The following SPAG9 variants were observed in gnomAD, a reference collection of about 807,000 sequenced individuals.
SPAG9 encodes C-Jun-amino-terminal kinase-interacting protein 4.
SPAG9 carries 35 observed loss-of-function variants against 166.5 expected under a neutral mutation model. The ratio of observed to expected loss-of-function variants is 0.21; its 90% confidence interval spans 0.16 to 0.28. The LOEUF is 0.28. Among genes scored for constraint, SPAG9 ranks in the 10% least tolerant of loss-of-function variants. SPAG9 has a pLI of 1.00. For synonymous variants in SPAG9, 534 were observed against 565.5 expected (o/e 0.94, Z 0.79); for missense variants, 1,235 against 1,603.3 (o/e 0.77, Z 3.92).
At chr17:51,095,894 T>A in intron 1 of SPAG9, among the ~76,000 whole-genome samples, 1 of 144,000 alleles carries the variant, frequency 6.9e-6, no homozygotes, top group Non-Finnish European at 1.5e-5. Context: ...TAGTGATATA[T>A]ACAGTGATAT....
At chr17:50,981,716 C>CAA (rs60390444) in intron 25 of SPAG9, among the ~76,000 whole-genome samples, 13 of 127,492 alleles carry the variant, frequency 1.0e-4, no homozygotes, top group African/African-American at 2.6e-4. Flanking sequence ...TGTATTGTGA[C>CAA]AAAAAAAAAA....
At chr17:51,112,328 G>C (rs948937681) in intron 1 of SPAG9, among the ~76,000 whole-genome samples, 19 of 134,498 alleles carry the variant, frequency 1.4e-4, no homozygotes, top group Admixed American at 1.4e-3. Context: ...GAGGCCAGGA[G>C]TTCAAGACAA....
intron 29 of SPAG9, among the ~76,000 whole-genome samples, chr17:50,969,645 C>T (rs1487348978): frequency 6.6e-6 from 1 of 152,170 alleles, no homozygotes; most frequent in Non-Finnish European, 1.5e-5. Context: ...CTTTCTTCTA[C>T]TCCACACTCT....
intron 29 of SPAG9, among the ~76,000 whole-genome samples, chr17:50,967,733 A>C (rs1046331839): frequency 6.6e-6 from 1 of 152,244 alleles, no homozygotes; most frequent in Non-Finnish European, 1.5e-5. Context: ...AATCATTAAA[A>C]ATATGGGACT....
chr17:50,975,890 G>A (rs768679885), intron 27 of SPAG9: 27 of 1,535,482 alleles, frequency 1.8e-5, no homozygotes, highest in Admixed American at 3.9e-5. Flanking sequence ...CGTCCCTGGT[G>A]GAGGATTACG....
chr17:50,968,375 C>T (rs1973519321), intron 29 of SPAG9, among the ~76,000 whole-genome samples: 1 of 152,142 alleles, frequency 6.6e-6, no homozygotes, highest in Non-Finnish European at 1.5e-5. Flanking sequence ...CTGCCTACTG[C>T]CTTATGTCTG....
intron 22 of SPAG9, 40 bp from the exon 23 acceptor site, chr17:50,985,818 A>C: frequency 8.7e-7 from 1 of 1,149,604 alleles, no homozygotes; most frequent in Non-Finnish European, 1.3e-6. Context: ...CATAGAGAAC[A>C]TCAAGACATT....
chr17:51,112,554 C>T (rs539401106), intron 1 of SPAG9, among the ~76,000 whole-genome samples: 4 of 150,800 alleles, frequency 2.7e-5, no homozygotes, highest in Non-Finnish European at 5.9e-5. Context: ...GCCTGTAGTC[C>T]CAGCTACTCA....
At position 51,020,166 on chromosome 17, in the gene SPAG9, C is replaced by A. The variant is rs2045885407; in HGVS notation, c.1084G>T (p.Gly362Cys). Residue 362 changes from glycine (G) to cysteine (C), a missense_variant, in exon 8 of 30, where the codon GGT becomes TGT. Gly to Cys is a radical substitution (Grantham distance 159, BLOSUM62 -3). Transcript: ENST00000262013. ...DMDKDLSGYKGSSTPTKGIEN... is the reference protein window; with the variant it reads ...DMDKDLSGYKCSSTPTKGIEN... The stretch of plus-strand genomic sequence containing the variant: ...ATCTAACATTTATGTTACCTTGAAC[C>A]TTTATATCCACTGAGATCTTTGTCC... 4 of 1,603,998 alleles carry A rather than the reference C, an allele frequency of 2.5e-6. No homozygotes were observed. In the African/African-American group the frequency reaches 4.0e-5, roughly 16 times the overall value.
intron 2 of SPAG9, among the ~76,000 whole-genome samples, chr17:51,062,476 T>C (rs2047543626): frequency 6.6e-6 from 1 of 152,222 alleles, no homozygotes; most frequent in Admixed American, 6.5e-5. Flanking sequence ...ATCTTTTTAC[T>C]GTCTCCATAG....
At chr17:51,053,940 T>C (rs2047281886) in intron 3 of SPAG9, among the ~76,000 whole-genome samples, 1 of 133,294 alleles carries the variant, frequency 7.5e-6, no homozygotes, top group Non-Finnish European at 1.6e-5. Context: ...TAATAAGTAC[T>C]ACTTAAGCAA....
intron 26 of SPAG9, 108 bp downstream of exon 26, chr17:50,979,638 G>T: frequency 9.4e-7 from 1 of 1,068,318 alleles, no homozygotes; most frequent in Non-Finnish European, 1.4e-6. Context: ...CATAGCCACT[G>T]CACTCCATCC....
intron 27 of SPAG9, 55 bp from the exon 28 acceptor site, chr17:50,975,002 G>GT: frequency 6.6e-7 from 1 of 1,515,400 alleles, no homozygotes. Flanking sequence ...AGTAATGAAT[G>GT]TAAGAGGTTA....
chr17:50,998,609 C>T lies in SPAG9; in HGVS notation c.1673G>A (p.Arg558Gln), dbSNP rs373746453. Residue 558 changes from arginine (R) to glutamine (Q), a missense_variant, in exon 15 of 30, where the codon CGA (arginine) becomes CAA (glutamine). Physicochemically the swap from Arg to Gln is conservative, Grantham distance 43. This residue lies in a region of SPAG9 where 125 missense variants were observed against 194.0 expected (regional missense o/e 0.64). Transcript: ENST00000262013. ...CGTGTTACTTGAGGAGCTGAAAAGT[C>T]GGCTGAAACTAAAAGAAGACAGTAT... Reference protein sequence around the residue: ...KRSSIWQFFSRLFSSSSNTTK... With the variant: ...KRSSIWQFFSQLFSSSSNTTK... The T allele has an allele frequency of 8.7e-6, 14 of 1,613,726 alleles. No homozygotes were observed. Among genetic ancestry groups the T allele is most frequent in the Non-Finnish European group, 1.1e-5 (13 of 1,179,906 alleles).
At chr17:51,069,947 G>A (rs1217866455) in intron 2 of SPAG9, among the ~76,000 whole-genome samples, 1 of 152,070 alleles carries the variant, frequency 6.6e-6, no homozygotes, top group Admixed American at 6.6e-5. Context: ...AATTAAAGAA[G>A]AGTCTAAATA....
intron 5 of SPAG9, among the ~76,000 whole-genome samples, chr17:51,035,914 C>A (rs1476872005): frequency 1.3e-5 from 2 of 152,044 alleles, no homozygotes; most frequent in African/African-American, 4.8e-5. Flanking sequence ...TGTTCTATGC[C>A]AGCCATATAA....
intron 13 of SPAG9, among the ~76,000 whole-genome samples, chr17:51,000,085 G>T (rs890344850): frequency 2.6e-5 from 4 of 151,992 alleles, no homozygotes; most frequent in African/African-American, 7.3e-5. Flanking sequence ...TTACATAAAA[G>T]TCTCTATCAT....
chr17:51,101,931 A>G (rs1408476128), intron 1 of SPAG9, among the ~76,000 whole-genome samples: 1 of 152,130 alleles, frequency 6.6e-6, no homozygotes, highest in Non-Finnish European at 1.5e-5. Flanking sequence ...GGCCTATACC[A>G]TAATAGTCTA....
intron 9 of SPAG9, chr17:51,009,225 TA>T: frequency 2.3e-6 from 1 of 427,884 alleles, no homozygotes; most frequent in South Asian, 1.7e-5. Flanking sequence ...TCATTTACTT[TA>T]AAATGAGAGA....
Sources: gnomAD v4.1 joint callset for allele counts (sites outside exome capture counted in the v4.1 genomes callset) on GRCh38, gnomAD v4.1.1 for gene constraint, gnomAD v4.1.1 regional missense constraint, MANE v1.5 for transcripts, NCBI Gene and HGNC (gene_info 2026-07-23, HGNC 2026-07-21) for gene names.